KIF20B: variants seen among roughly 807,000 people sequenced by gnomAD.
KIF20B encodes kinesin family member 20B.
Under a neutral mutation model 232.5 loss-of-function variants are expected in KIF20B, and 188 were observed. The ratio of observed to expected loss-of-function variants is 0.81; its 90% confidence interval spans 0.72 to 0.91. The LOEUF (loss-of-function observed/expected upper bound fraction) is 0.91, where lower values mean the gene tolerates loss of function less well. Among genes scored for constraint, KIF20B ranks in the 40% least tolerant of loss-of-function variants. The probability of loss-of-function intolerance (pLI) is 0.00; values close to 1 mark genes in which losing one functional copy is unlikely to be tolerated. For missense variants in KIF20B, 2,154 were observed against 2,055.9 expected, an observed-to-expected ratio of 1.05 and a Z score of -0.92; for synonymous variants, 712 against 683.0, an observed-to-expected ratio of 1.04 and a Z score of -0.66.
Position 89,710,054 on chromosome 10 carries a change from A to G in KIF20B, c.479A>G (p.Tyr160Cys), listed in dbSNP as rs1415218716. 1 of 1,603,558 alleles carries G rather than the reference A, an allele frequency of 6.2e-7. No homozygotes were observed. Among genetic ancestry groups the G allele is most frequent in the Non-Finnish European group, 8.5e-7 (1 of 1,176,948 alleles). The change falls in exon 5 of 33, where the codon TAT (tyrosine) becomes TGT (cysteine). Residue 160 changes from tyrosine (Y) to cysteine (C), a missense_variant. Physicochemically the swap from Tyr to Cys is radical, Grantham distance 194. Transcript: ENST00000371728. ...GGGCTAACCAATTCAGGAAAAACAT[A>G]TACATTTCAAGGTAAATATTGTTTT... ...TYGLTNSGKT[Y>C]TFQGTEENIG...
intron 18 of KIF20B, among the ~76,000 whole-genome samples, chr10:89,730,600 A>G (rs10881646): frequency 0.31 from 47,133 of 151,686 alleles, 8,233 homozygotes; most frequent in African/African-American, 0.47. Context: ...ACAAGAAGGT[A>G]CATTGGCCTT....
At chr10:89,713,622 G>A (rs1333870630) in intron 6 of KIF20B, among the ~76,000 whole-genome samples, 1 of 152,050 alleles carries the variant, frequency 6.6e-6, no homozygotes, top group Non-Finnish European at 1.5e-5. Context: ...TAAGAATGCA[G>A]AAGAAAATAT....
chr10:89,753,563 T>C (rs1183947893), intron 25 of KIF20B, among the ~76,000 whole-genome samples: 1 of 151,768 alleles, frequency 6.6e-6, no homozygotes, highest in African/African-American at 2.4e-5. Context: ...TAGTGTAGAT[T>C]ATAAACTTTG....
At position 89,743,804 on chromosome 10, in the gene KIF20B, G is replaced by T. The variant is rs1046778844; in HGVS notation, c.3916-4G>T. On this transcript the variant is annotated splice_polypyrimidine_tract_variant and splice_region_variant and intron_variant, in intron 21 of 32. Transcript: ENST00000371728. ...CCATTTGTTTTATAAACATTATTTT[G>T]TAGGTATCTGTAATGCGTGATGAGG... is the stretch of plus-strand genomic sequence containing the variant. 4 of 1,415,892 alleles carry T rather than the reference G, an allele frequency of 2.8e-6. No individual in the cohort carries two copies. The highest frequency in any genetic ancestry group is 3.8e-6 in the Non-Finnish European group (4 of 1,049,552). 87.7% of individuals were successfully genotyped at this position (1,415,892 alleles called of 1,614,324 possible).
rs781760944 is a variant in KIF20B, at chr10:89,772,871, C to A, written c.5385+40C>A. On this transcript the variant is annotated intron_variant, in intron 32 of 32. Coordinates refer to ENST00000371728, the MANE Select transcript of KIF20B (RefSeq NM_001284259.2). ...CTGTTTTCATCAATGTAGAACTGTT[C>A]GTGTTCTTTTTAATTTTTTACAGTG... The A allele has an allele frequency of 7.9e-6, 12 of 1,512,780 alleles. No homozygotes were observed. The South Asian group carries it at 1.4e-4, about 17-fold the overall frequency. The allele number at this position is 1,512,780 out of a possible 1,614,324, so 93.7% of individuals were successfully genotyped here. A position where few individuals can be genotyped will look rare whatever the true frequency, so the allele number is the denominator to read the frequency against.
intron 24 of KIF20B, among the ~76,000 whole-genome samples, 176 bp from the exon 25 acceptor site, chr10:89,752,391 T>G (rs976154159): frequency 1.3e-5 from 2 of 152,120 alleles, no homozygotes; most frequent in African/African-American, 4.8e-5. Flanking sequence ...TCCTCTTCAC[T>G]AAGAATTTAG....
intron 14 of KIF20B, among the ~76,000 whole-genome samples, chr10:89,724,699 T>C (rs570656408): frequency 6.6e-6 from 1 of 152,218 alleles, no homozygotes; most frequent in East Asian, 1.9e-4. Flanking sequence ...CCTCCTGGGT[T>C]CAAGCAATTC....
Position 89,760,541 on chromosome 10 carries a change from G to T in KIF20B, c.4696G>T (p.Asp1566Tyr), listed in dbSNP as rs200556371. ...CTTACTTTAGGAAACACAAATCATG[G>T]ATATCAAGCCCAAACGTATTAGTTC... ...ETSKIETQIMDIKPKRISSAD... is the reference protein window; with the variant it reads ...ETSKIETQIMYIKPKRISSAD... Residue 1566 changes from aspartate (D) to tyrosine (Y), a missense_variant, in exon 28 of 33, where the codon GAT (aspartate) becomes TAT (tyrosine). Coordinates refer to ENST00000371728, the MANE Select transcript of KIF20B (RefSeq NM_001284259.2). 3.1e-6 allele frequency: 5 copies of T among 1,610,586 alleles called. No individual in the cohort carries two copies. Among genetic ancestry groups the T allele is most frequent in the African/African-American group, 1.3e-5 (1 of 74,912 alleles).
In KIF20B at chr10:89,772,754, G is replaced by A; in HGVS notation, c.5308G>A (p.Val1770Met). Residue 1770 changes from valine (V) to methionine (M), a missense_variant, in exon 32 of 33, where the codon GTG (valine) becomes ATG (methionine). Val to Met is a conservative substitution (Grantham distance 21). Coordinates refer to ENST00000371728, the MANE Select transcript of KIF20B (RefSeq NM_001284259.2). The part of the protein sequence containing the change: ...LSNVEASKEN[V>M]SQPKRAKRKL... Reference sequence around the variant, plus strand: ...AAATGTAGAAGCAAGTAAAGAAAATGTGTCTCAACCAAAACGAGCCAAACG... The same window carrying A: ...AAATGTAGAAGCAAGTAAAGAAAATATGTCTCAACCAAAACGAGCCAAACG... 6.2e-7 allele frequency: 1 copy of A among 1,609,218 alleles called. No homozygotes were observed. The highest frequency in any genetic ancestry group is 2.2e-5 in the East Asian group (1 of 44,658).
At chr10:89,755,437 C>T (rs1346758047) in intron 26 of KIF20B, among the ~76,000 whole-genome samples, 1 of 109,022 alleles carries the variant, frequency 9.2e-6, no homozygotes, top group Non-Finnish European at 1.8e-5. Context: ...CCCCCCTTTC[C>T]TTCCCTCCCC....
At chr10:89,719,178 T>C (rs1467908125) in intron 12 of KIF20B, among the ~76,000 whole-genome samples, 1 of 152,218 alleles carries the variant, frequency 6.6e-6, no homozygotes, top group Non-Finnish European at 1.5e-5. Flanking sequence ...AACCCTCTGC[T>C]AAGATTAATA....
In KIF20B at chr10:89,733,218, A is replaced by C. The variant is rs531809421; in HGVS notation, c.2545+162A>C. On this transcript the variant is annotated intron_variant, in intron 19 of 32. Coordinates refer to ENST00000371728, the MANE Select transcript of KIF20B (RefSeq NM_001284259.2). Reference sequence around the variant, plus strand: ...CTGGAAAGTTATACATTTTCTAGGGATGGGCATAGTTAAAGCTTTTATCTT... The same window carrying C: ...CTGGAAAGTTATACATTTTCTAGGGCTGGGCATAGTTAAAGCTTTTATCTT... 26 of 647,544 alleles carry C rather than the reference A, an allele frequency of 4.0e-5. 1 individual carries two copies. In the East Asian group the frequency reaches 7.3e-4, roughly 18 times the overall value. 40.1% of individuals were successfully genotyped at this position (647,544 alleles called of 1,614,324 possible).
chr10:89,721,928 T>G (rs1843067649), intron 13 of KIF20B, among the ~76,000 whole-genome samples: 2 of 152,186 alleles, frequency 1.3e-5, no homozygotes, highest in South Asian at 4.1e-4. Context: ...TTTTTTCTTC[T>G]AGAGACAAAG....
chr10:89,725,774 T>TTC (rs1843172989), intron 15 of KIF20B, among the ~76,000 whole-genome samples: 1 of 152,284 alleles, frequency 6.6e-6, no homozygotes, highest in East Asian at 1.9e-4. Context: ...AATTATCCTT[T>TTC]TCTGCTGCTT....
intron 23 of KIF20B, among the ~76,000 whole-genome samples, chr10:89,747,372 C>G (rs1251632163): frequency 1.3e-5 from 2 of 151,960 alleles, no homozygotes; most frequent in Non-Finnish European, 2.9e-5. Flanking sequence ...TTGACCCAGC[C>G]ATTCCATTAC....
At chr10:89,755,431 C>G (rs1019918089) in intron 26 of KIF20B, among the ~76,000 whole-genome samples, 3 of 115,482 alleles carry the variant, frequency 2.6e-5, no homozygotes, top group African/African-American at 9.7e-5. Flanking sequence ...TCCCCTCCCC[C>G]CTTTCCTTCC....
chr10:89,745,235 A>C (rs1477326634), intron 22 of KIF20B, among the ~76,000 whole-genome samples: 1 of 152,208 alleles, frequency 6.6e-6, no homozygotes, highest in Admixed American at 6.5e-5. Context: ...ACGTAGATTA[A>C]AAGTATAGGC....
At chr10:89,707,002 A>C (rs1025097346) in intron 2 of KIF20B, among the ~76,000 whole-genome samples, 2 of 152,212 alleles carry the variant, frequency 1.3e-5, no homozygotes, top group Admixed American at 6.5e-5. Context: ...GAGAATTGAC[A>C]TCTTGACAAT....
At chr10:89,746,683 G>C (rs1841918083) in intron 23 of KIF20B, among the ~76,000 whole-genome samples, 1 of 152,218 alleles carries the variant, frequency 6.6e-6, no homozygotes, top group African/African-American at 2.4e-5. Flanking sequence ...CGAGGGTGGA[G>C]CCTTCACCAG....
Sources: gnomAD v4.1 joint callset for allele counts (sites outside exome capture counted in the v4.1 genomes callset) on GRCh38, gnomAD v4.1.1 for gene constraint, MANE v1.5 for transcripts, NCBI Gene and HGNC (gene_info 2026-07-23, HGNC 2026-07-21) for gene names.